Variants in PLCG1 observed in about 807,000 individuals in gnomAD.
The protein encoded by PLCG1 is phospholipase C gamma 1.
A neutral mutation model predicts 177.8 loss-of-function variants in PLCG1; 71 were observed. The ratio of observed to expected loss-of-function variants is 0.40; its 90% CI spans 0.33 to 0.49. The LOEUF is 0.49. Ranked by LOEUF, PLCG1 falls within the 20% of genes least tolerant of loss-of-function variation. The pLI, the probability that PLCG1 is intolerant of heterozygous loss-of-function variation, is 0.72. For missense variants in PLCG1, 1,281 were observed against 1,709.0 expected (o/e 0.75, Z 4.42); for synonymous variants, 658 against 647.9 (o/e 1.02, Z -0.24).
rs1377049685 is a variant in PLCG1 at position 41,163,002 on chromosome 20, G to A, written c.716+10G>A. The A allele has an allele frequency of 6.2e-7, 1 of 1,613,576 alleles. No homozygotes were observed. Among genetic ancestry groups the A allele is most frequent in the Admixed American group, 1.7e-5 (1 of 60,026 alleles). On this transcript the variant is annotated intron_variant, in intron 7 of 31. Transcript: ENST00000685551. The surrounding 1 kb of genome is among the most constrained non-coding windows in gnomAD (Gnocchi z 5.2). ...AAGCCAGTACTCTGAGGTTTGGTTT[G>A]GAGTGGGGAGGTGGGGTTTTCCCTG...
At chr20:41,139,051 G>T (rs887876354) in intron 1 of PLCG1, among the ~76,000 whole-genome samples, 3 of 152,212 alleles carry the variant, frequency 2.0e-5, no homozygotes, top group Admixed American at 6.5e-5. Context: ...CCAAGGGGGG[G>T]TCCCACAAAC....
In PLCG1 at chr20:41,166,456, C is replaced by T; in HGVS notation, c.2001-20C>T. The T allele has an allele frequency of 1.9e-6, 3 of 1,613,946 alleles. No individual in the cohort carries two copies. Among genetic ancestry groups the T allele is most frequent in the Non-Finnish European group, 2.5e-6 (3 of 1,180,002 alleles). ...GGGCCATGGGTGGTGCTGGCCGGGC[C>T]TGACTCTGCCTGTTCTCAGGTGGTA... On this transcript the variant is annotated intron_variant, in intron 17 of 31. Coordinates refer to ENST00000685551, the MANE Select transcript of PLCG1 (RefSeq NM_002660.3). The surrounding 1 kb of genome is among the most constrained non-coding windows in gnomAD (Gnocchi z 8.6).
At chr20:41,168,978 T>A (rs747096371) in intron 21 of PLCG1, 101 bp from the exon 22 acceptor site, 14 of 1,167,368 alleles carry the variant, frequency 1.2e-5, no homozygotes, top group Non-Finnish European at 1.8e-5. Context: ...CAGCAGTGCC[T>A]GCCTCACCCT....
chr20:41,165,322 C>T lies in PLCG1; in HGVS notation c.1464C>T (p.Asn488=). 1 of 1,614,162 alleles carries T rather than the reference C, an allele frequency of 6.2e-7. No homozygotes were observed. Among genetic ancestry groups the T allele is most frequent in the Non-Finnish European group, 8.5e-7 (1 of 1,180,008 alleles). The change falls in exon 14 of 32, where the codon AAC becomes AAT. Residue 488 remains asparagine, a synonymous_variant. Transcript: ENST00000685551. This position sits in a 1 kb window ranked among gnomAD's most constrained non-coding sequence, Gnocchi z 6.6. ...TGTACTCTGAGAACGACATCAGCAA[C>T]TCTATCAAGAATGGCATCCTCTACC... is the stretch of plus-strand genomic sequence containing the variant. ...SMMYSENDIS[N]SIKNGILYLE...
In PLCG1 at chr20:41,137,827, G is replaced by C; in HGVS notation, c.186G>C (p.Trp62Cys). The change falls in exon 1 of 32, where the codon TGG becomes TGC. Residue 62 changes from tryptophan (W) to cysteine (C), a missense_variant. Trp to Cys is a radical substitution (Grantham distance 215). Coordinates refer to ENST00000685551, the MANE Select transcript of PLCG1 (RefSeq NM_002660.3). The surrounding 1 kb of genome is among the most constrained non-coding windows in gnomAD (Gnocchi z 7.3). ...QVKLETRQIT[W>C]SRGADKIEGA... ...AGCTGGAGACGCGCCAGATCACGTG[G>C]AGCCGGGGCGCCGACAAGATCGAGG... 1 of 1,296,508 alleles carries C rather than the reference G, an allele frequency of 7.7e-7. No homozygotes were observed. The highest frequency in any genetic ancestry group is 9.9e-7 in the Non-Finnish European group (1 of 1,014,828). 80.3% of individuals were successfully genotyped at this position (1,296,508 alleles called of 1,614,324 possible).
Position 41,162,980 on chromosome 20 carries a change from C to A in PLCG1, c.704C>A (p.Ala235Asp). 1 of 1,614,056 alleles carries A rather than the reference C, an allele frequency of 6.2e-7. No individual in the cohort carries two copies. The highest frequency in any genetic ancestry group is 8.5e-7 in the Non-Finnish European group (1 of 1,179,920). The change falls in exon 7 of 32, where the codon GCC (alanine) becomes GAC (aspartate). Residue 235 changes from alanine (A) to aspartate (D), a missense_variant. Coordinates refer to ENST00000685551, the MANE Select transcript of PLCG1 (RefSeq NM_002660.3). Reference sequence around the variant, plus strand: ...CAGATGGACCTCCCCTTCTTGGAAGCCAGTACTCTGAGGTTTGGTTTGGAG... The same window carrying A: ...CAGATGGACCTCCCCTTCTTGGAAGACAGTACTCTGAGGTTTGGTTTGGAG... Reference protein sequence around the residue: ...QKTMDLPFLEASTLRAGERPE... With the variant: ...QKTMDLPFLEDSTLRAGERPE...
Position 41,173,372 on chromosome 20 carries a change from G to C in PLCG1, c.3280-48G>C, listed in dbSNP as rs1167479381. 6.7e-7 allele frequency: 1 copy of C among 1,499,390 alleles called. No individual in the cohort carries two copies. Among genetic ancestry groups the C allele is most frequent in the Admixed American group, 2.2e-5 (1 of 45,012 alleles). The allele number at this position is 1,499,390 out of a possible 1,614,324, so 92.9% of individuals were successfully genotyped here. ...GACTGAGCCTCCGCAGTGGGGAATT[G>C]GAGGGAGCAGGAAGGACAATCCCAG... On this transcript the variant is annotated intron_variant, in intron 27 of 31. Coordinates refer to ENST00000685551, the MANE Select transcript of PLCG1 (RefSeq NM_002660.3). This position sits in a 1 kb window ranked among gnomAD's most constrained non-coding sequence, Gnocchi z 6.2.
At position 41,172,872 on chromosome 20, in the gene PLCG1, A is replaced by G. The variant is rs529420619; in HGVS notation, c.3274A>G (p.Ile1092Val). ...CGGGCTGGAGCCATGTGCCATCTCT[A>G]TTGAGGTGGGTGCTGCTCATCTGGG... ...LRGLEPCAISIEVLGARHLPK... is the reference protein window; with the variant it reads ...LRGLEPCAISVEVLGARHLPK... Residue 1092 changes from isoleucine (I) to valine (V), a missense_variant, in exon 27 of 32, where the codon ATT becomes GTT. Physicochemically the swap from Ile to Val is conservative, Grantham distance 29 (BLOSUM62 3). This residue lies in a region of PLCG1 where 723 missense variants were observed against 1,030.0 expected (regional missense o/e 0.70). Transcript: ENST00000685551. The surrounding 1 kb of genome is among the most constrained non-coding windows in gnomAD (Gnocchi z 7.0). 6.6e-5 allele frequency: 106 copies of G among 1,613,890 alleles called. No homozygotes were observed. The East Asian group carries it at 8.2e-4, about 13-fold the overall frequency.
chr20:41,162,373 G>A, intron 4 of PLCG1, 79 bp from the exon 5 acceptor site: 1 of 1,052,162 alleles, frequency 9.5e-7, no homozygotes, highest in East Asian at 2.5e-5. Flanking sequence ...TACCTGTCCA[G>A]CCCCAGGTGG....
Position 41,167,017 on chromosome 20 carries a change from A to G in PLCG1, c.2301+158A>G. The G allele has an allele frequency of 1.5e-6, 1 of 674,088 alleles. No homozygotes were observed. The allele number at this position is 674,088 out of a possible 1,614,324, so 41.8% of individuals were successfully genotyped here. On this transcript the variant is annotated intron_variant, in intron 19 of 31. Coordinates refer to ENST00000685551, the MANE Select transcript of PLCG1 (RefSeq NM_002660.3). This position sits in a 1 kb window ranked among gnomAD's most constrained non-coding sequence, Gnocchi z 4.4. ...TGGGAGCCACAGTGTGGGTACCAGG[A>G]GGGTGTCTGCAGGAGGGGACATCTG...
At position 41,167,555 on chromosome 20, in the gene PLCG1, C is replaced by T. The variant is rs1321798522; in HGVS notation, c.2302-297C>T. The stretch of plus-strand genomic sequence containing the variant: ...AACTAAAGCACTGAATATGGGTAGT[C>T]TGTGAAGGGCCCACCTGCACATAGC... On this transcript the variant is annotated intron_variant, in intron 19 of 31. Coordinates refer to ENST00000685551, the MANE Select transcript of PLCG1 (RefSeq NM_002660.3). The surrounding 1 kb of genome is among the most constrained non-coding windows in gnomAD (Gnocchi z 4.4). 7 of 398,574 alleles carry T rather than the reference C, an allele frequency of 1.8e-5. No homozygotes were observed. The highest frequency in any genetic ancestry group is 2.8e-5 in the Non-Finnish European group (6 of 216,660). The allele number at this position is 398,574 out of a possible 1,614,324, so 24.7% of individuals were successfully genotyped here. A position where few individuals can be genotyped will look rare whatever the true frequency, so the allele number is the denominator to read the frequency against.
rs764018678 is a variant in PLCG1, at chr20:41,165,056, C to T, written c.1341C>T (p.Asp447=). The change falls in exon 13 of 32, where the codon GAC becomes GAT. Residue 447 remains aspartate, a synonymous_variant. Coordinates refer to ENST00000685551, the MANE Select transcript of PLCG1 (RefSeq NM_002660.3). This position sits in a 1 kb window ranked among gnomAD's most constrained non-coding sequence, Gnocchi z 6.6. ...CCAAGCCCGTGGAGATCTCTGCCGA[C>T]GGGCTCCCCTCACCCAACCAGCTTA... ...LLTKPVEISA[D]GLPSPNQLKR... is the part of the protein sequence containing the mutation. 14 of 1,613,966 alleles carry T rather than the reference C, an allele frequency of 8.7e-6. No individual in the cohort carries two copies. Among genetic ancestry groups the T allele is most frequent in the Admixed American group, 5.0e-5 (3 of 59,980 alleles).
At chr20:41,162,235 G>GTTTTTTT (rs11426520) in intron 4 of PLCG1, 1,649 of 143,574 alleles carry the variant, frequency 0.011, 5 homozygotes, top group African/African-American at 0.02. Flanking sequence ...TTTTGTTTTT[G>GTTTTTTT]TTTTTTTTTT....
At position 41,148,969 on chromosome 20, in the gene PLCG1, T is replaced by C. The variant is rs1172984573; in HGVS notation, c.218-10637T>C. ...TGTGCTCAATTTCCTCACTCGGGAATTGGGGACCCTAATACTTACTTCATA... is the reference window on the plus strand; with the variant it reads ...TGTGCTCAATTTCCTCACTCGGGAACTGGGGACCCTAATACTTACTTCATA... On this transcript the variant is annotated intron_variant, in intron 1 of 31. Coordinates refer to ENST00000685551, the MANE Select transcript of PLCG1 (RefSeq NM_002660.3). The surrounding 1 kb of genome is among the most constrained non-coding windows in gnomAD (Gnocchi z 4.3). Among the ~76,000 whole-genome samples, 1 of 152,238 alleles carries C rather than the reference T, an allele frequency of 6.6e-6. No homozygotes were observed. The highest frequency in any genetic ancestry group is 1.5e-5 in the Non-Finnish European group (1 of 68,046).
Position 41,174,221 on chromosome 20 carries a change from G to T in PLCG1, c.3743G>T (p.Gly1248Val). Residue 1248 changes from glycine (G) to valine (V), a missense_variant, in exon 31 of 32, where the codon GGC becomes GTC. This residue lies in a region of PLCG1 where 153 missense variants were observed against 153.2 expected (regional missense o/e 1.00). Coordinates refer to ENST00000685551, the MANE Select transcript of PLCG1 (RefSeq NM_002660.3). The surrounding 1 kb of genome is among the most constrained non-coding windows in gnomAD (Gnocchi z 5.8). ...CTGTTTCATGGCCGAGCCCGGGAAG[G>T]CTCCTTTGAATCCCGCTACCAGCAG... ...GQLFHGRARE[G>V]SFESRYQQPF... 1.2e-6 allele frequency: 2 copies of T among 1,614,172 alleles called. No individual in the cohort carries two copies. Among genetic ancestry groups the T allele is most frequent in the Non-Finnish European group, 8.5e-7 (1 of 1,180,026 alleles).
At position 41,173,021 on chromosome 20, in the gene PLCG1, G is replaced by A. The variant is rs1260045981; in HGVS notation, c.3279+144G>A. On this transcript the variant is annotated intron_variant, in intron 27 of 31. Coordinates refer to ENST00000685551, the MANE Select transcript of PLCG1 (RefSeq NM_002660.3). This position sits in a 1 kb window ranked among gnomAD's most constrained non-coding sequence, Gnocchi z 6.2. ...GGGCCTGAGCTGAGTCTTTGAAGGG[G>A]TGAAGATAGCATGCAGTCACTGTAT... 1 of 763,056 alleles carries A rather than the reference G, an allele frequency of 1.3e-6. No individual in the cohort carries two copies. The highest frequency in any genetic ancestry group is 2.1e-6 in the Non-Finnish European group (1 of 475,572). The allele number at this position is 763,056 out of a possible 1,614,324, so 47.3% of individuals were successfully genotyped here.
chr20:41,138,776 C>G (rs1182829529), intron 1 of PLCG1, among the ~76,000 whole-genome samples: 1 of 152,122 alleles, frequency 6.6e-6, no homozygotes, highest in Non-Finnish European at 1.5e-5. Context: ...GCTGCTTTTG[C>G]GCTGGTCTCT....
chr20:41,167,427 TG>T lies in PLCG1; in HGVS notation c.2302-423del, dbSNP rs1568751528. ...GGGGAGAGAGAGGCCTGTTGTCCAC[TG>T]GCACCTGGGACTCAAGTGATGGAGA... On this transcript the variant is annotated intron_variant, in intron 19 of 31. Coordinates refer to ENST00000685551, the MANE Select transcript of PLCG1 (RefSeq NM_002660.3). This position sits in a 1 kb window ranked among gnomAD's most constrained non-coding sequence, Gnocchi z 4.4. Among the ~76,000 whole-genome samples, 3 of 152,158 alleles carry T rather than the reference TG, an allele frequency of 2.0e-5. No homozygotes were observed. The South Asian group carries it at 6.2e-4, about 32-fold the overall frequency.
At chr20:41,162,831 G>A (rs1221951645) in intron 6 of PLCG1, 106 bp downstream of exon 6, 19 of 1,336,028 alleles carry the variant, frequency 1.4e-5, no homozygotes, top group Non-Finnish European at 1.9e-5. Context: ...GCTTTTGGGT[G>A]CCATTTCTCC....
Sources: allele counts gnomAD v4.1 joint callset (sites outside exome capture counted in the v4.1 genomes callset), GRCh38; gene constraint gnomAD v4.1.1; regional missense constraint gnomAD v4.1.1; non-coding constraint Gnocchi (gnomAD v3.1); transcripts MANE v1.5; gene names NCBI Gene and HGNC (gene_info 2026-07-23, HGNC 2026-07-21).